DNAJA4: variants seen among roughly 807,000 people sequenced by gnomAD.
The protein encoded by DNAJA4 is DnaJ heat shock protein family (Hsp40) member A4.
DNAJA4 carries 32 observed loss-of-function variants against 39.7 expected under a neutral mutation model. The observed-to-expected ratio is 0.81, with a 90% CI of 0.61 to 1.08. The LOEUF (loss-of-function observed/expected upper bound fraction) is 1.08. Among genes scored for constraint, DNAJA4 ranks in the 50% least tolerant of loss-of-function variants. The pLI, the probability that DNAJA4 is intolerant of heterozygous loss-of-function variation, is 0.00. For synonymous variants in DNAJA4, 184 were observed against 182.4 expected (o/e 1.01, Z -0.07); for missense variants, 439 against 505.1 (o/e 0.87, Z 1.25).
intron 2 of DNAJA4, among the ~76,000 whole-genome samples, chr15:78,272,210 G>A (rs959341870): frequency 3.9e-5 from 6 of 152,088 alleles, no homozygotes; most frequent in African/African-American, 9.7e-5. Context: ...GGTGGCAGGC[G>A]CCTGTAGTCC....
Position 78,280,079 on chromosome 15 carries a change from G to A in DNAJA4, c.912G>A (p.Val304=), listed in dbSNP as rs1056875421. 1 of 1,614,096 alleles carries A rather than the reference G, an allele frequency of 6.2e-7. No homozygotes were observed. Among genetic ancestry groups the A allele is most frequent in the Non-Finnish European group, 8.5e-7 (1 of 1,180,040 alleles). The change falls in exon 6 of 7, where the codon GTG becomes GTA. Residue 304 remains valine, a synonymous_variant. Coordinates refer to ENST00000394852, the MANE Select transcript of DNAJA4 (RefSeq NM_001130182.2). ...EVIKHGDLRC[V]RDEGMPIYKA... ...TAAAGCACGGGGACCTGAGATGCGT[G>A]CGCGATGAAGGAATGCCCATCTACA... is the stretch of plus-strand genomic sequence containing the variant.
rs536756767 is a variant in DNAJA4, at chr15:78,264,625, AGCGGCG to A, written c.-126_-121del. ...GGGCGGGGGGCGGGCGGGAGCTACA[AGCGGCG>A]GCGGCGGCGGCGACCGTGACCGTGA... On this transcript the variant is annotated 5_prime_UTR_variant, in exon 1 of 7. Coordinates refer to ENST00000394852, the MANE Select transcript of DNAJA4 (RefSeq NM_001130182.2). 30 of 991,492 alleles carry A rather than the reference AGCGGCG, an allele frequency of 3.0e-5. No individual in the cohort carries two copies. Among genetic ancestry groups the A allele is most frequent in the Non-Finnish European group, 3.5e-5 (29 of 826,206 alleles). 61.4% of individuals were successfully genotyped at this position (991,492 alleles called of 1,614,324 possible).
chr15:78,268,049 T>A (rs138551308), intron 1 of DNAJA4, among the ~76,000 whole-genome samples: 192 of 152,280 alleles, frequency 1.3e-3, no homozygotes, highest in Non-Finnish European at 2.4e-3. Context: ...GGAACCCCCA[T>A]CCCATGTGAG....
intron 1 of DNAJA4, among the ~76,000 whole-genome samples, chr15:78,269,416 C>T (rs2049232352): frequency 6.6e-6 from 1 of 152,196 alleles, no homozygotes; most frequent in Admixed American, 6.5e-5. Flanking sequence ...CATATACCTG[C>T]AGAAAACATG....
At position 78,264,576 on chromosome 15, in the gene DNAJA4, A is replaced by C. The variant is rs1175032697; in HGVS notation, c.-188A>C. 1.7e-6 allele frequency: 2 copies of C among 1,172,866 alleles called. No individual in the cohort carries two copies. The highest frequency in any genetic ancestry group is 2.1e-6 in the Non-Finnish European group (2 of 950,920). 72.7% of individuals were successfully genotyped at this position (1,172,866 alleles called of 1,614,324 possible). Reference sequence around the variant, plus strand: ...CCGGTGGCTCTAGTGCGGTGGAGCCAGGCGTGGAAGTCGGTCCGGCGCGGG... The same window carrying C: ...CCGGTGGCTCTAGTGCGGTGGAGCCCGGCGTGGAAGTCGGTCCGGCGCGGG... On this transcript the variant is annotated 5_prime_UTR_variant, in exon 1 of 7. Transcript: ENST00000394852.
chr15:78,272,991 C>T (rs2049343054), intron 2 of DNAJA4, 104 bp from the exon 3 acceptor site: 2 of 731,188 alleles, frequency 2.7e-6, no homozygotes, highest in South Asian at 3.4e-5. Flanking sequence ...CAGCCACAGT[C>T]TTGAGTCTCT....
At chr15:78,271,403 A>G (rs1460483071) in intron 2 of DNAJA4, among the ~76,000 whole-genome samples, 2 of 150,948 alleles carry the variant, frequency 1.3e-5, no homozygotes, top group Non-Finnish European at 3.0e-5. Context: ...ATGTTCCCTG[A>G]CCTGGGCGTG....
chr15:78,266,088 T>A (rs1363615188), intron 1 of DNAJA4: 1 of 663,418 alleles, frequency 1.5e-6, no homozygotes, highest in East Asian at 2.7e-5. Context: ...TATATTTAGA[T>A]GGCTTACTGT....
At position 78,273,852 on chromosome 15, in the gene DNAJA4, G is replaced by A. The variant is rs186963290; in HGVS notation, c.419-345G>A. ...AGCTGGGTAGCTGCCACTATTGACA[G>A]AGCTTGTGTTGTCTAGATCGCCACA... On this transcript the variant is annotated intron_variant, in intron 3 of 6. Coordinates refer to ENST00000394852, the MANE Select transcript of DNAJA4 (RefSeq NM_001130182.2). 4.1e-4 allele frequency among the ~76,000 whole-genome samples: 63 copies of A among 152,346 alleles called. No individual in the cohort carries two copies. In the South Asian group the frequency reaches 8.7e-3, roughly 21 times the overall value.
In DNAJA4 at chr15:78,277,869, C is replaced by T. The variant is rs144810151; in HGVS notation, c.877+2141C>T. 4.2e-4 allele frequency: 150 copies of T among 358,906 alleles called. No homozygotes were observed. In the East Asian group the frequency reaches 9.9e-3, roughly 24 times the overall value. 22.2% of individuals were successfully genotyped at this position (358,906 alleles called of 1,614,324 possible). A position where few individuals can be genotyped will look rare whatever the true frequency, so the allele number is the denominator to read the frequency against. On this transcript the variant is annotated intron_variant, in intron 5 of 6. Coordinates refer to ENST00000394852, the MANE Select transcript of DNAJA4 (RefSeq NM_001130182.2). ...TTCTTTATTATAAGGAAGGGTGGAG[C>T]ATCCAGGAAACCTGCCGTTGGAGAG...
At chr15:78,268,447 T>A (rs935867562) in intron 1 of DNAJA4, among the ~76,000 whole-genome samples, 1 of 152,232 alleles carries the variant, frequency 6.6e-6, no homozygotes, top group Non-Finnish European at 1.5e-5. Context: ...GTTTTTTAGC[T>A]ATTTATTAGC....
intron 1 of DNAJA4, chr15:78,266,138 T>C: frequency 8.1e-7 from 1 of 1,238,518 alleles, no homozygotes; most frequent in Non-Finnish European, 1.1e-6. Context: ...GTGCTGGTGA[T>C]TCATCCACCT....
At chr15:78,264,980 G>A in intron 1 of DNAJA4, 85 bp downstream of exon 1, 1 of 1,401,882 alleles carries the variant, frequency 7.1e-7, no homozygotes, top group Non-Finnish European at 9.5e-7. Context: ...CGGGAAACCT[G>A]AGCCGCGTTT....
chr15:78,265,508 A>C, intron 1 of DNAJA4: 1 of 702,402 alleles, frequency 1.4e-6, no homozygotes, highest in Non-Finnish European at 2.6e-6. Flanking sequence ...ACCTGACATC[A>C]GCTTGTACTC....
chr15:78,265,664 C>T (rs747603131), intron 1 of DNAJA4: 2 of 702,342 alleles, frequency 2.8e-6, no homozygotes, highest in South Asian at 3.0e-5. Context: ...TAAAGAGGCT[C>T]ATGACCCACC....
intron 2 of DNAJA4, among the ~76,000 whole-genome samples, chr15:78,271,998 A>T (rs1000909588): frequency 2.0e-5 from 3 of 152,142 alleles, no homozygotes; most frequent in Non-Finnish European, 4.4e-5. Context: ...TGAAAATCAC[A>T]AAGTGTTTAT....
Position 78,267,169 on chromosome 15 carries a change from TGTGA to T in DNAJA4, c.132+2278_132+2281del, listed in dbSNP as rs781025863. Among the ~76,000 whole-genome samples, 214 of 48,182 alleles carry T rather than the reference TGTGA, an allele frequency of 4.4e-3. 1 individual carries two copies. The highest frequency in any genetic ancestry group is 0.023 in the Middle Eastern group (2 of 86). 31.6% of individuals were successfully genotyped at this position (48,182 alleles called of 152,430 possible). A position where few individuals can be genotyped will look rare whatever the true frequency, so the allele number is the denominator to read the frequency against. ...GTGTGTGTGAGTGTGTATGTGAGTG[TGTGA>T]GTGTGTGAGTGTGTGTGTGAGTGTG... On this transcript the variant is annotated intron_variant, in intron 1 of 6. Transcript: ENST00000394852.
intron 5 of DNAJA4, chr15:78,278,426 C>T (rs561735815): frequency 4.9e-4 from 194 of 393,760 alleles, no homozygotes; most frequent in Non-Finnish European, 7.4e-4. Context: ...CTCACACAGA[C>T]CTAGATAGCA....
At chr15:78,265,463 A>T (rs1296695561) in intron 1 of DNAJA4, 2 of 702,232 alleles carry the variant, frequency 2.8e-6, no homozygotes, top group East Asian at 2.7e-5. Flanking sequence ...GAATAATCCC[A>T]TTTTCTTTAT....
Sources: gnomAD v4.1 joint callset for allele counts (sites outside exome capture counted in the v4.1 genomes callset) on GRCh38, gnomAD v4.1.1 for gene constraint, MANE v1.5 for transcripts, NCBI Gene and HGNC (gene_info 2026-07-23, HGNC 2026-07-21) for gene names.